Variants in PTPRD observed in about 807,000 individuals in gnomAD.
The protein encoded by PTPRD is protein tyrosine phosphatase receptor type D.
In PTPRD, 34 loss-of-function variants were observed where a neutral mutation model predicts 214.5. The ratio of observed to expected loss-of-function variants is 0.16; its 90% CI spans 0.12 to 0.21. The LOEUF (loss-of-function observed/expected upper bound fraction) is 0.21, where lower values mean the gene tolerates loss of function less well. Ranked by LOEUF, PTPRD falls within the 10% of genes least tolerant of loss-of-function variation. The pLI is 1.00. For synonymous variants in PTPRD, 1,128 were observed against 845.7 expected, an observed-to-expected ratio of 1.33 and a Z score of -5.79; for missense variants, 2,545 against 2,398.7, an observed-to-expected ratio of 1.06 and a Z score of -1.27.
At chr9:8,477,762 T>C (rs1282374896) in intron 30 of PTPRD, among the ~76,000 whole-genome samples, 1 of 152,212 alleles carries the variant, frequency 6.6e-6, no homozygotes, top group Non-Finnish European at 1.5e-5. Flanking sequence ...GCAGTCCTGT[T>C]TATGTCTACT....
chr9:10,573,385 T>C (rs2068110929), intron 2 of PTPRD, among the ~76,000 whole-genome samples: 1 of 152,206 alleles, frequency 6.6e-6, no homozygotes, highest in Non-Finnish European at 1.5e-5. Context: ...AATTTATTTC[T>C]GTATACACAT....
chr9:8,896,658 T>C (rs570468800), intron 11 of PTPRD, among the ~76,000 whole-genome samples: 1 of 152,338 alleles, frequency 6.6e-6, no homozygotes, highest in African/African-American at 2.4e-5. Context: ...TATCATCCCA[T>C]AGTCTGTGTG....
chr9:10,205,471 T>C (rs571892561), intron 3 of PTPRD, among the ~76,000 whole-genome samples: 4 of 152,086 alleles, frequency 2.6e-5, no homozygotes, highest in African/African-American at 7.2e-5. Flanking sequence ...AGTGGCCTGA[T>C]CTTGGCTCAC....
chr9:10,188,702 C>T (rs1210088409), intron 3 of PTPRD, among the ~76,000 whole-genome samples: 3 of 151,992 alleles, frequency 2.0e-5, no homozygotes, highest in Non-Finnish European at 4.4e-5. Flanking sequence ...ATGTCATTGG[C>T]ACTGCATGGT....
chr9:9,304,652 T>C (rs1956538480), intron 9 of PTPRD, among the ~76,000 whole-genome samples: 1 of 151,352 alleles, frequency 6.6e-6, no homozygotes, highest in South Asian at 2.1e-4. Flanking sequence ...TCTAGAGGAT[T>C]CAGTTTCTCT....
At chr9:9,416,112 C>T (rs1293464046) in intron 8 of PTPRD, among the ~76,000 whole-genome samples, 1 of 152,136 alleles carries the variant, frequency 6.6e-6, no homozygotes, top group Non-Finnish European at 1.5e-5. Flanking sequence ...CTAAATATCT[C>T]TTGAGGGCAT....
chr9:9,301,693 TA>T lies in PTPRD; in HGVS notation c.-203+95755del, dbSNP rs573576102. Among the ~76,000 whole-genome samples the T allele has an allele frequency of 3.8e-3, 575 of 152,046 alleles. 5 individuals are homozygous for T. The highest frequency in any genetic ancestry group is 4.4e-3 in the Non-Finnish European group (297 of 67,908). ...GTTTATTGCATTGAGAAATAGGGAT[TA>T]CTATGGACAGAACTTTCATCTGGCT... On this transcript the variant is annotated intron_variant, in intron 9 of 45. Coordinates refer to ENST00000381196, the MANE Select transcript of PTPRD (RefSeq NM_002839.4).
At chr9:9,990,754 T>G (rs760771899) in intron 4 of PTPRD, among the ~76,000 whole-genome samples, 6 of 152,226 alleles carry the variant, frequency 3.9e-5, no homozygotes, top group Non-Finnish European at 7.3e-5. Context: ...CATTGGGCAT[T>G]ATTACAAATA....
intron 8 of PTPRD, among the ~76,000 whole-genome samples, chr9:9,477,292 G>C (rs891758393): frequency 6.6e-6 from 1 of 152,164 alleles, no homozygotes; most frequent in Non-Finnish European, 1.5e-5. Context: ...GTAAAGGTAG[G>C]TTCTGCTCTA....
At chr9:9,396,063 G>T (rs955562509) in intron 9 of PTPRD, among the ~76,000 whole-genome samples, 3 of 151,956 alleles carry the variant, frequency 2.0e-5, no homozygotes, top group Non-Finnish European at 4.4e-5. Flanking sequence ...GGAATAATTA[G>T]GTAATAAGAG....
chr9:8,364,117 T>G (rs562612456), intron 39 of PTPRD, among the ~76,000 whole-genome samples: 1 of 152,184 alleles, frequency 6.6e-6, no homozygotes. Context: ...GAAAGAAATA[T>G]AAATGATTCC....
intron 36 of PTPRD, among the ~76,000 whole-genome samples, chr9:8,403,199 A>C (rs1304595782): frequency 6.6e-6 from 1 of 152,222 alleles, no homozygotes; most frequent in Non-Finnish European, 1.5e-5. Context: ...TTATAAAATA[A>C]AGCGGTGGTC....
intron 9 of PTPRD, among the ~76,000 whole-genome samples, chr9:9,338,064 C>T (rs1364872745): frequency 6.6e-6 from 1 of 152,112 alleles, no homozygotes; most frequent in Admixed American, 6.5e-5. Flanking sequence ...CAAATTGCTC[C>T]ATTCAAATAA....
chr9:9,066,297 AT>A (rs113689194), intron 10 of PTPRD, among the ~76,000 whole-genome samples: 3 of 150,524 alleles, frequency 2.0e-5, no homozygotes, highest in Admixed American at 1.3e-4. Context: ...TTGGCCAGGC[AT>A]TTTTTTTTCA....
At chr9:10,586,524 C>T (rs1472596887) in intron 2 of PTPRD, among the ~76,000 whole-genome samples, 3 of 152,040 alleles carry the variant, frequency 2.0e-5, no homozygotes, top group Non-Finnish European at 4.4e-5. Context: ...CCTTGTGAGA[C>T]TAAATCTACC....
intron 14 of PTPRD, among the ~76,000 whole-genome samples, chr9:8,549,304 C>A (rs901542819): frequency 6.6e-6 from 1 of 151,998 alleles, no homozygotes; most frequent in African/African-American, 2.4e-5. Context: ...CCTCTTAGTT[C>A]CTTCGTGAAT....
rs1350004079 is a variant in PTPRD, at chr9:9,899,964, A to C, written c.-368+38543T>G. ...CACACAAAGACACATGACAAACCTG[A>C]AAAAAGTAGAAGTAATAGAAGCAGA... On this transcript the variant is annotated intron_variant, in intron 5 of 45. Coordinates refer to ENST00000381196, the MANE Select transcript of PTPRD (RefSeq NM_002839.4). Among the ~76,000 whole-genome samples, 3 of 152,176 alleles carry C rather than the reference A, an allele frequency of 2.0e-5. No individual in the cohort carries two copies. In the East Asian group the frequency reaches 5.8e-4, roughly 29 times the overall value.
chr9:9,987,472 T>G (rs917598131), intron 4 of PTPRD, among the ~76,000 whole-genome samples: 2 of 151,994 alleles, frequency 1.3e-5, no homozygotes, highest in Admixed American at 1.3e-4. Flanking sequence ...AGAGAAGGCT[T>G]ATGCAGAGAA....
chr9:10,273,935 C>G (rs1398784776), intron 3 of PTPRD, among the ~76,000 whole-genome samples: 4 of 151,974 alleles, frequency 2.6e-5, no homozygotes, highest in Non-Finnish European at 2.9e-5. Context: ...TTAGCTAACT[C>G]AGTGTAACAA....
Sources: allele counts gnomAD v4.1 joint callset (sites outside exome capture counted in the v4.1 genomes callset), GRCh38; gene constraint gnomAD v4.1.1; transcripts MANE v1.5; gene names NCBI Gene and HGNC (gene_info 2026-07-23, HGNC 2026-07-21).